Variants in CTNND2 observed in about 807,000 individuals in gnomAD.
The protein encoded by CTNND2 is catenin delta-2.
A neutral mutation model predicts 144.4 loss-of-function variants in CTNND2; 22 were observed. The observed-to-expected ratio is 0.15, with a 90% CI of 0.11 to 0.22. The LOEUF is 0.22. CTNND2 is among the 10% of genes least tolerant of loss of function. The pLI is 1.00. For synonymous variants in CTNND2, 751 were observed against 695.6 expected, an observed-to-expected ratio of 1.08 and a Z score of -1.25; for missense variants, 1,353 against 1,618.8, an observed-to-expected ratio of 0.84 and a Z score of 2.82.
chr5:11,042,011 C>A (rs1363991729), intron 16 of CTNND2, among the ~76,000 whole-genome samples: 1 of 152,106 alleles, frequency 6.6e-6, no homozygotes, highest in Non-Finnish European at 1.5e-5. Context: ...ACAGGTTTTG[C>A]CAAACTTATC....
At chr5:11,471,612 C>T (rs1177925559) in intron 3 of CTNND2, among the ~76,000 whole-genome samples, 1 of 152,128 alleles carries the variant, frequency 6.6e-6, no homozygotes, top group Non-Finnish European at 1.5e-5. Flanking sequence ...TTAGTGTGTC[C>T]TCTCTATCTG....
Position 11,643,835 on chromosome 5 carries a change from C to A in CTNND2, c.175-78779G>T, listed in dbSNP as rs572130150. Among the ~76,000 whole-genome samples the A allele has an allele frequency of 5.7e-4, 86 of 152,008 alleles. 1 individual carries two copies. The highest frequency in any genetic ancestry group is 1.9e-3 in the African/African-American group (80 of 41,476). ...ACTTATTTCCTTTTATGTATTGTAACATTTGTTTTTATTGCTCTGCATACA... is the reference window on the plus strand; with the variant it reads ...ACTTATTTCCTTTTATGTATTGTAAAATTTGTTTTTATTGCTCTGCATACA... On this transcript the variant is annotated intron_variant, in intron 2 of 21. Coordinates refer to ENST00000304623, the MANE Select transcript of CTNND2 (RefSeq NM_001332.4).
intron 1 of CTNND2, among the ~76,000 whole-genome samples, chr5:11,790,968 G>C (rs1791101238): frequency 6.6e-6 from 1 of 152,074 alleles, no homozygotes; most frequent in Admixed American, 6.6e-5. Context: ...GGTTACACTG[G>C]GATGGGATGG....
intron 1 of CTNND2, among the ~76,000 whole-genome samples, chr5:11,851,775 G>A (rs1173439104): frequency 6.6e-6 from 1 of 152,144 alleles, no homozygotes; most frequent in Non-Finnish European, 1.5e-5. Context: ...GTTTCATAAG[G>A]TACTGATGGT....
At chr5:11,053,482 A>G (rs1746049883) in intron 16 of CTNND2, among the ~76,000 whole-genome samples, 1 of 152,230 alleles carries the variant, frequency 6.6e-6, no homozygotes, top group South Asian at 2.1e-4. Flanking sequence ...GAGATTTTTC[A>G]TGGTTCATTG....
In CTNND2 at chr5:11,531,250, C is replaced by T. The variant is rs958922071; in HGVS notation, c.287+33694G>A. ...AGGAACAAAAGCCAGCAGCAAGGAACTAAATAAAGGACCCTACACAGGTGA... is the reference window on the plus strand; with the variant it reads ...AGGAACAAAAGCCAGCAGCAAGGAATTAAATAAAGGACCCTACACAGGTGA... On this transcript the variant is annotated intron_variant, in intron 3 of 21. Transcript: ENST00000304623. Among the ~76,000 whole-genome samples the T allele has an allele frequency of 1.9e-4, 29 of 152,030 alleles. 1 individual carries two copies. The highest frequency in any genetic ancestry group is 1.5e-3 in the Admixed American group (23 of 15,262).
At chr5:11,531,404 T>C (rs957488917) in intron 3 of CTNND2, among the ~76,000 whole-genome samples, 1 of 152,122 alleles carries the variant, frequency 6.6e-6, no homozygotes, top group Non-Finnish European at 1.5e-5. Flanking sequence ...GGAGGGTAGA[T>C]ATCCTGAGAT....
intron 2 of CTNND2, among the ~76,000 whole-genome samples, chr5:11,640,869 C>T (rs1197207135): frequency 6.6e-6 from 1 of 152,180 alleles, no homozygotes; most frequent in African/African-American, 2.4e-5. Context: ...TGAAGACATA[C>T]TGAACCCTAT....
intron 2 of CTNND2, among the ~76,000 whole-genome samples, chr5:11,620,901 CA>C (rs1780801267): frequency 6.6e-6 from 1 of 152,132 alleles, no homozygotes; most frequent in African/African-American, 2.4e-5. Flanking sequence ...ATTTAGTGCT[CA>C]GGGCATATGA....
chr5:11,674,206 T>A (rs1369191499), intron 2 of CTNND2, among the ~76,000 whole-genome samples: 2 of 152,186 alleles, frequency 1.3e-5, no homozygotes, highest in Non-Finnish European at 2.9e-5. Context: ...CAGCTTTTCC[T>A]CCTAAGAAAA....
At chr5:11,176,275 C>T (rs1012092) in intron 11 of CTNND2, among the ~76,000 whole-genome samples, 77,244 of 151,630 alleles carry the variant, frequency 0.51, 21,115 homozygotes, top group East Asian at 0.73. Context: ...ATTTAAAAAT[C>T]CAGGGGACAT....
intron 10 of CTNND2, among the ~76,000 whole-genome samples, chr5:11,201,123 T>C (rs866855357): frequency 6.6e-6 from 1 of 152,234 alleles, no homozygotes; most frequent in African/African-American, 2.4e-5. Context: ...CTTCATAGGA[T>C]TTGTCATGTT....
In CTNND2 at chr5:11,618,601, G is replaced by A. The variant is rs145750585; in HGVS notation, c.175-53545C>T. On this transcript the variant is annotated intron_variant, in intron 2 of 21. Transcript: ENST00000304623. ...GTCAAATGATAATAAATGTAATTTGGTAAAAATACTACTTAAGCCTCTTAT... is the reference window on the plus strand; with the variant it reads ...GTCAAATGATAATAAATGTAATTTGATAAAAATACTACTTAAGCCTCTTAT... Among the ~76,000 whole-genome samples, 1,512 of 152,208 alleles carry A rather than the reference G, an allele frequency of 9.9e-3. 11 individuals carry two copies. The highest frequency in any genetic ancestry group is 0.026 in the East Asian group (137 of 5,172).
intron 1 of CTNND2, among the ~76,000 whole-genome samples, chr5:11,857,751 C>T (rs1264407319): frequency 2.0e-5 from 3 of 152,170 alleles, no homozygotes; most frequent in Non-Finnish European, 2.9e-5. Context: ...GAAAAAATAT[C>T]TTCTCTATAA....
At chr5:11,163,422 C>T (rs777489672) in intron 11 of CTNND2, among the ~76,000 whole-genome samples, 4 of 152,212 alleles carry the variant, frequency 2.6e-5, no homozygotes, top group Non-Finnish European at 4.4e-5. Flanking sequence ...GCCAGGACCA[C>T]CCAAATCTGT....
At chr5:10,994,923 G>A (rs528279645) in intron 18 of CTNND2, among the ~76,000 whole-genome samples, 1 of 152,272 alleles carries the variant, frequency 6.6e-6, no homozygotes, top group East Asian at 1.9e-4. Flanking sequence ...ATTGGTGTGG[G>A]AAAGAGGAAT....
At chr5:11,737,633 G>A (rs1486693364) in intron 1 of CTNND2, among the ~76,000 whole-genome samples, 2 of 152,134 alleles carry the variant, frequency 1.3e-5, no homozygotes, top group Non-Finnish European at 2.9e-5. Flanking sequence ...GCAGTGTTAC[G>A]GACAGAACTG....
At chr5:11,534,639 G>A (rs1330005659) in intron 3 of CTNND2, among the ~76,000 whole-genome samples, 4 of 151,992 alleles carry the variant, frequency 2.6e-5, no homozygotes, top group Non-Finnish European at 5.9e-5. Context: ...GAAATCCTGA[G>A]GGTGATTCTA....
intron 5 of CTNND2, among the ~76,000 whole-genome samples, chr5:11,410,936 A>G (rs767899736): frequency 2.6e-5 from 4 of 151,572 alleles, no homozygotes; most frequent in Non-Finnish European, 5.9e-5. Flanking sequence ...CAGTGGCGCA[A>G]TCTCGGCTCA....
Sources: allele counts gnomAD v4.1 joint callset (sites outside exome capture counted in the v4.1 genomes callset), GRCh38; gene constraint gnomAD v4.1.1; transcripts MANE v1.5; gene names NCBI Gene and HGNC (gene_info 2026-07-23, HGNC 2026-07-21).